STXBP2: variants seen among roughly 807,000 people sequenced by gnomAD.
STXBP2 encodes the protein syntaxin binding protein 2.
Under a neutral mutation model 72.2 loss-of-function variants are expected in STXBP2, and 47 were observed. The observed-to-expected ratio is 0.65, with a 90% CI of 0.51 to 0.83. The LOEUF (loss-of-function observed/expected upper bound fraction) is 0.83, where lower values mean the gene tolerates loss of function less well. Among genes scored for constraint, STXBP2 ranks in the 40% least tolerant of loss-of-function variants. The pLI is 0.00. For missense variants in STXBP2, 702 were observed against 807.6 expected, an observed-to-expected ratio of 0.87 and a Z score of 1.58; for synonymous variants, 367 against 338.7, an observed-to-expected ratio of 1.08 and a Z score of -0.92.
intron 4 of STXBP2, 57 bp from the exon 5 acceptor site, chr19:7,640,674 C>T (rs570674397): frequency 1.2e-6 from 2 of 1,610,732 alleles, no homozygotes; most frequent in South Asian, 2.2e-5. Flanking sequence ...GAGGCCTAGG[C>T]AGCCAATGAG....
At chr19:7,638,604 T>TAAA (rs144737616) in intron 1 of STXBP2, 122 bp from the exon 2 acceptor site, 90 of 936,736 alleles carry the variant, frequency 9.6e-5, no homozygotes, top group African/African-American at 3.6e-4. Flanking sequence ...CCTCCTCTCT[T>TAAA]AAAAAAAAAA....
chr19:7,633,399 CCT>C, upstream of STXBP2: 1 of 1,564,674 alleles, frequency 6.4e-7, no homozygotes, highest in Non-Finnish European at 8.7e-7. Context: ...GGGGCAGGGC[CCT>C]CTCACCTCGG....
rs1193839126 is a variant in STXBP2, at chr19:7,642,174, C to T, written c.664-29C>T. 6.2e-7 allele frequency: 1 copy of T among 1,613,880 alleles called. No individual in the cohort carries two copies. Among genetic ancestry groups the T allele is most frequent in the Non-Finnish European group, 8.5e-7 (1 of 1,179,910 alleles). ...AGCCCCAACCGGCTCAGGGTCAGTGCCTCATTCCTGCCCTAAACCCCACCC... is the reference window on the plus strand; with the variant it reads ...AGCCCCAACCGGCTCAGGGTCAGTGTCTCATTCCTGCCCTAAACCCCACCC... On this transcript the variant is annotated intron_variant, in intron 8 of 18. Transcript: ENST00000221283. The surrounding 1 kb of genome is among the most constrained non-coding windows in gnomAD (Gnocchi z 6.0).
rs1555770857 is a variant in STXBP2 at position 7,643,063 on chromosome 19, G to A, written c.1026+15G>A. ...AGCTGAATAAGGTGTGCTCGGGTGG[G>A]CAGGGAGCGGGGACACCTCGGCCCC... On this transcript the variant is annotated intron_variant, in intron 12 of 18. Transcript: ENST00000221283. The A allele has an allele frequency of 6.2e-7, 1 of 1,614,078 alleles. No homozygotes were observed. The highest frequency in any genetic ancestry group is 1.3e-5 in the African/African-American group (1 of 74,930).
chr19:7,638,895 G>A (rs2031677101), intron 2 of STXBP2, 120 bp downstream of exon 2: 2 of 1,563,020 alleles, frequency 1.3e-6, no homozygotes, highest in Non-Finnish European at 1.8e-6. Flanking sequence ...TGGGTGAATG[G>A]GTTCTGGGTC....
chr19:7,631,719 G>A, the STXBP2 span: 1 of 1,449,888 alleles, frequency 6.9e-7, no homozygotes, highest in Non-Finnish European at 9.1e-7. Context: ...GCTGGGGGCT[G>A]CTGTTCCGAC....
upstream of STXBP2, among the ~76,000 whole-genome samples, chr19:7,634,645 C>G (rs1173608592): frequency 6.6e-6 from 1 of 152,346 alleles, no homozygotes; most frequent in East Asian, 1.9e-4. Context: ...GCTGGGATTA[C>G]AGGCATGAGC....
Position 7,647,401 on chromosome 19 carries a change from G to A in STXBP2, c.1586G>A (p.Arg529Gln), listed in dbSNP as rs35490401. Residue 529 changes from arginine to glutamine, a missense_variant, in exon 18 of 19, where the codon CGG becomes CAG. Physicochemically the swap from Arg to Gln is conservative, Grantham distance 43 (BLOSUM62 1). Coordinates refer to ENST00000221283, the MANE Select transcript of STXBP2 (RefSeq NM_006949.4). ...AAGAACAAGGCTGGCATAGAAGCCC[G>A]GGCGGGCCCCCGGCTCATCGTGTAT... ...WHKNKAGIEA[R>Q]AGPRLIVYVM... 9.0e-5 allele frequency: 145 copies of A among 1,613,524 alleles called. No homozygotes were observed. The African/African-American group carries it at 1.3e-3, about 15-fold the overall frequency.
intron 3 of STXBP2, chr19:7,639,403 G>A: frequency 1.7e-6 from 1 of 580,010 alleles, no homozygotes; most frequent in Non-Finnish European, 3.1e-6. Context: ...GACTCTGGAT[G>A]TGGGGTCCCA....
chr19:7,639,203 G>A (rs1010562032), intron 3 of STXBP2, 103 bp downstream of exon 3: 5 of 1,255,290 alleles, frequency 4.0e-6, no homozygotes, highest in African/African-American at 1.5e-5. Context: ...CCCTCAAATC[G>A]TCCAGAACTC....
upstream of STXBP2, chr19:7,633,458 G>A: frequency 6.3e-7 from 1 of 1,575,730 alleles, no homozygotes; most frequent in East Asian, 2.3e-5. Flanking sequence ...GATCCATCAT[G>A]TCCCTGGACT....
upstream of STXBP2, chr19:7,633,387 TG>T (rs71179124): frequency 1.9e-6 from 3 of 1,557,090 alleles, no homozygotes; most frequent in Non-Finnish European, 2.6e-6. Context: ...GGGGGTGGGG[TG>T]GGGGCAGGGC....
At chr19:7,644,453 C>A in intron 13 of STXBP2, 161 bp from the exon 14 acceptor site, 1 of 926,872 alleles carries the variant, frequency 1.1e-6, no homozygotes, top group African/African-American at 1.6e-5. Flanking sequence ...TGTGGAGAGA[C>A]TGTCCCTGGA....
At chr19:7,630,535 TG>T in the STXBP2 span, 1 of 1,464,042 alleles carries the variant, frequency 6.8e-7, no homozygotes. Flanking sequence ...GCACATTGCT[TG>T]GGGGGAGCTC....
upstream of STXBP2, chr19:7,636,980 C>A: frequency 1.4e-6 from 1 of 700,100 alleles, no homozygotes; most frequent in Non-Finnish European, 2.0e-6. Flanking sequence ...CCGTCCTCCC[C>A]GCCAGGGACT....
At position 7,644,602 on chromosome 19, in the gene STXBP2, C is replaced by A. The variant is rs1251107296; in HGVS notation, c.1108-12C>A. ...CATAGCGGCCGGTGGACGGCTGACCCCATGCCCGCAGGACCTGGCCATGGG... is the reference window on the plus strand; with the variant it reads ...CATAGCGGCCGGTGGACGGCTGACCACATGCCCGCAGGACCTGGCCATGGG... On this transcript the variant is annotated splice_polypyrimidine_tract_variant and intron_variant, in intron 13 of 18. Coordinates refer to ENST00000221283, the MANE Select transcript of STXBP2 (RefSeq NM_006949.4). 1 of 1,611,386 alleles carries A rather than the reference C, an allele frequency of 6.2e-7. No individual in the cohort carries two copies.
Position 7,642,050 on chromosome 19 carries a change from G to T in STXBP2, c.595G>T (p.Ala199Ser). Residue 199 changes from alanine to serine, a missense_variant, in exon 8 of 19, where the codon GCC becomes TCC. Physicochemically the swap from Ala to Ser is moderately conservative, Grantham distance 99. Transcript: ENST00000221283. The surrounding 1 kb of genome is among the most constrained non-coding windows in gnomAD (Gnocchi z 6.0). ...IRYRKGPEDT[A>S]QLAHAVLAKL... ...CCCCGCCAGGGGCCCAGAGGACACA[G>T]CCCAGTTGGCCCACGCCGTCCTGGC... The T allele has an allele frequency of 1.2e-6, 2 of 1,614,048 alleles. No homozygotes were observed. Among genetic ancestry groups the T allele is most frequent in the Non-Finnish European group, 1.7e-6 (2 of 1,179,974 alleles).
rs1200494574 is a variant in STXBP2 at position 7,641,844 on chromosome 19, G to A, written c.569G>A (p.Arg190His). The change falls in exon 7 of 19, where the codon CGC (arginine) becomes CAC (histidine). Residue 190 changes from arginine (R) to histidine (H), a missense_variant. Physicochemically the swap from Arg to His is conservative, Grantham distance 29 (BLOSUM62 0). Transcript: ENST00000221283. ...ACCCTGCAGGAGTACCCGGCCATCC[G>A]CTACCGCAAGTGGGGACCCCACCCA... ...CATLQEYPAI[R>H]YRKGPEDTAQ... 1.3e-6 allele frequency: 2 copies of A among 1,555,080 alleles called. No individual in the cohort carries two copies. Among genetic ancestry groups the A allele is most frequent in the Non-Finnish European group, 1.7e-6 (2 of 1,150,106 alleles).
At chr19:7,632,471 G>A, upstream of STXBP2, 1 of 1,613,844 alleles carries the variant, frequency 6.2e-7, no homozygotes, top group Non-Finnish European at 8.5e-7. This position sits in a 1 kb window ranked among gnomAD's most constrained non-coding sequence, Gnocchi z 5.2. Flanking sequence ...CCTGGGTACT[G>A]GCCAGCATGT....
Sources: allele counts gnomAD v4.1 joint callset (sites outside exome capture counted in the v4.1 genomes callset), GRCh38; gene constraint gnomAD v4.1.1; non-coding constraint Gnocchi (gnomAD v3.1); transcripts MANE v1.5; gene names NCBI Gene and HGNC (gene_info 2026-07-23, HGNC 2026-07-21).